COL10A1: variants seen among roughly 807,000 people sequenced by gnomAD.
COL10A1 encodes collagen type X alpha 1 chain.
In COL10A1, 10 loss-of-function variants were observed where a neutral mutation model predicts 18.2. The observed-to-expected ratio is 0.55, with a 90% CI of 0.34 to 0.93. COL10A1 has a LOEUF of 0.93. Among genes scored for constraint, COL10A1 ranks in the 40% least tolerant of loss-of-function variants. The pLI, the probability that COL10A1 is intolerant of heterozygous loss-of-function variation, is 0.02. For missense variants in COL10A1, 897 were observed against 853.5 expected (o/e 1.05, Z -0.64); for synonymous variants, 330 against 316.6 (o/e 1.04, Z -0.45).
chr6:116,210,991 C>T, the COL10A1 span, among the ~76,000 whole-genome samples: 1 of 151,916 alleles, frequency 6.6e-6, no homozygotes, highest in African/African-American at 2.4e-5. Context: ...ATGAGCTGGA[C>T]CTCTATCATC....
intron 1 of COL10A1, among the ~76,000 whole-genome samples, chr6:116,144,451 ATGT>A (rs60042675): frequency 0.14 from 21,596 of 151,552 alleles, 2,101 homozygotes; most frequent in East Asian, 0.43. Context: ...CAGTGAGCTG[ATGT>A]TGTGCCACTG....
upstream of COL10A1, among the ~76,000 whole-genome samples, chr6:116,129,891 A>T (rs1779419550): frequency 6.6e-6 from 1 of 152,106 alleles, no homozygotes; most frequent in African/African-American, 2.4e-5. Flanking sequence ...TAGAGTTTTC[A>T]TCTGATTTCA....
the COL10A1 span, among the ~76,000 whole-genome samples, chr6:116,176,502 G>A: frequency 6.6e-6 from 1 of 152,178 alleles, no homozygotes; most frequent in African/African-American, 2.4e-5. Context: ...TTTACTTGCA[G>A]CTGACATTAG....
At chr6:116,148,453 C>T (rs1297790444) in intron 1 of COL10A1, among the ~76,000 whole-genome samples, 1 of 152,140 alleles carries the variant, frequency 6.6e-6, no homozygotes, top group African/African-American at 2.4e-5. Context: ...AACTGTGATC[C>T]TAAAATTACA....
At chr6:116,180,453 A>T in the COL10A1 span, among the ~76,000 whole-genome samples, 1 of 152,118 alleles carries the variant, frequency 6.6e-6, no homozygotes, top group Non-Finnish European at 1.5e-5. Context: ...GGACCTAGGT[A>T]GTGATCATTA....
chr6:116,210,567 A>C, the COL10A1 span, among the ~76,000 whole-genome samples: 1 of 151,962 alleles, frequency 6.6e-6, no homozygotes, highest in Non-Finnish European at 1.5e-5. Flanking sequence ...CAAAACGGGA[A>C]TCATATAGGA....
the COL10A1 span, among the ~76,000 whole-genome samples, chr6:116,214,219 G>T: frequency 6.6e-6 from 1 of 151,932 alleles, no homozygotes; most frequent in African/African-American, 2.4e-5. Flanking sequence ...TCAAGGCTCA[G>T]AAATGAAAGT....
intron 1 of COL10A1, among the ~76,000 whole-genome samples, chr6:116,158,331 T>C (rs140863354): frequency 2.6e-5 from 4 of 152,134 alleles, no homozygotes; most frequent in Non-Finnish European, 4.4e-5. Context: ...CTTTCCTCCT[T>C]CTGTTTAAAT....
At chr6:116,132,323 C>T (rs917908457) in intron 1 of COL10A1, among the ~76,000 whole-genome samples, 2 of 152,158 alleles carry the variant, frequency 1.3e-5, no homozygotes, top group Admixed American at 6.5e-5. Context: ...ATTCTTCTTA[C>T]TGAAAGCATG....
the COL10A1 span, among the ~76,000 whole-genome samples, chr6:116,210,647 A>G: frequency 6.6e-6 from 1 of 151,996 alleles, no homozygotes; most frequent in Admixed American, 6.6e-5. Flanking sequence ...TGTGTTTGGC[A>G]AAAATAAGCA....
the COL10A1 span, among the ~76,000 whole-genome samples, chr6:116,186,767 A>ATT: frequency 1.3e-4 from 20 of 151,582 alleles, no homozygotes; most frequent in Non-Finnish European, 2.2e-4. Flanking sequence ...TTCACTGGAG[A>ATT]TTTTTTCATT....
the COL10A1 span, among the ~76,000 whole-genome samples, chr6:116,188,516 G>A: frequency 6.6e-6 from 1 of 151,900 alleles, no homozygotes. Flanking sequence ...GAAAATGAGA[G>A]AGAAAAAGCC....
upstream of COL10A1, among the ~76,000 whole-genome samples, chr6:116,128,460 A>G (rs1368642272): frequency 1.3e-5 from 2 of 152,108 alleles, no homozygotes; most frequent in African/African-American, 4.8e-5. Context: ...AGAGAGCCAT[A>G]CTCTTTAAAC....
chr6:116,147,408 CT>C (rs1397540695), intron 1 of COL10A1, among the ~76,000 whole-genome samples: 1 of 151,528 alleles, frequency 6.6e-6, no homozygotes, highest in Non-Finnish European at 1.5e-5. Flanking sequence ...TGCCATTGCA[CT>C]CCAACCTGGG....
At chr6:116,164,682 T>TA in the COL10A1 span, among the ~76,000 whole-genome samples, 2 of 152,246 alleles carry the variant, frequency 1.3e-5, no homozygotes, top group African/African-American at 2.4e-5. Flanking sequence ...ACTTTGTACT[T>TA]ACGTGTGCTT....
At chr6:116,169,980 A>G in the COL10A1 span, among the ~76,000 whole-genome samples, 2 of 152,166 alleles carry the variant, frequency 1.3e-5, no homozygotes, top group Admixed American at 6.5e-5. Flanking sequence ...AACAAAGAGA[A>G]TTAGTCACCT....
chr6:116,153,490 A>T (rs530566871), intron 1 of COL10A1, among the ~76,000 whole-genome samples: 1 of 152,242 alleles, frequency 6.6e-6, no homozygotes, highest in African/African-American at 2.4e-5. Flanking sequence ...TATGCCATTT[A>T]TTCATTTAAT....
chr6:116,181,704 T>C, the COL10A1 span, among the ~76,000 whole-genome samples: 4 of 151,982 alleles, frequency 2.6e-5, no homozygotes, highest in African/African-American at 9.7e-5. Context: ...CAAAACCTAT[T>C]GCAAGCTTTC....
chr6:116,208,355 C>A, the COL10A1 span, among the ~76,000 whole-genome samples: 1 of 151,842 alleles, frequency 6.6e-6, no homozygotes, highest in East Asian at 1.9e-4. Flanking sequence ...AAAACAAAAC[C>A]CTCCCAAAAT....
Sources: allele counts gnomAD v4.1 joint callset (sites outside exome capture counted in the v4.1 genomes callset), GRCh38; gene constraint gnomAD v4.1.1; transcripts MANE v1.5; gene names NCBI Gene and HGNC (gene_info 2026-07-23, HGNC 2026-07-21).